Variants in OR7C1 observed in about 807,000 individuals in gnomAD.
The protein encoded by OR7C1 is olfactory receptor family 7 subfamily C member 1, also known as olfactory receptor 7C1.
For missense variants in OR7C1, 324 were observed against 383.3 expected, an observed-to-expected ratio of 0.85 and a Z score of 1.29; for synonymous variants, 152 against 160.7, an observed-to-expected ratio of 0.95 and a Z score of 0.41.
At chr19:14,829,372 T>C (rs558912492) in intron 1 of OR7C1, among the ~76,000 whole-genome samples, 86 of 152,220 alleles carry the variant, frequency 5.6e-4, no homozygotes, top group Non-Finnish European at 1.1e-3. Flanking sequence ...CCCAGCTAAT[T>C]TTGTATTTTT....
rs183641016 is a variant in OR7C1, at chr19:14,802,223, T to C, written c.-434-1459A>G. Among the ~76,000 whole-genome samples the C allele has an allele frequency of 2.0e-3, 307 of 152,300 alleles. 1 individual carries two copies. Among genetic ancestry groups the C allele is most frequent in the African/African-American group, 6.7e-3 (277 of 41,554 alleles). On this transcript the variant is annotated intron_variant, in intron 2 of 4. Coordinates refer to ENST00000641666, the Ensembl canonical transcript of OR7C1. ...CGGAAATGTATGGCAATGTTCTGTT[T>C]TAATATGTCCAATGGGCCGGGCGTG...
chr19:14,799,768 G>T (rs750589870), exon 5 of OR7C1: 1 of 1,613,932 alleles, frequency 6.2e-7, no homozygotes, highest in Non-Finnish European at 8.5e-7. Context: ...AGACGGCCAC[G>T]AAGCGGTCAT....
chr19:14,815,372 A>G (rs545251789), intron 1 of OR7C1, among the ~76,000 whole-genome samples: 2 of 152,362 alleles, frequency 1.3e-5, no homozygotes, highest in Non-Finnish European at 1.5e-5. Flanking sequence ...TGTTTCATAC[A>G]CATGCACCAG....
At chr19:14,818,820 TA>T (rs1207377760) in intron 1 of OR7C1, among the ~76,000 whole-genome samples, 1 of 152,206 alleles carries the variant, frequency 6.6e-6, no homozygotes, top group African/African-American at 2.4e-5. Flanking sequence ...GCATTTTAGA[TA>T]GTTTAGAGAG....
At chr19:14,818,249 C>T (rs1038174410) in intron 1 of OR7C1, among the ~76,000 whole-genome samples, 4 of 152,036 alleles carry the variant, frequency 2.6e-5, no homozygotes, top group East Asian at 1.9e-4. Flanking sequence ...CCCGCCACTA[C>T]GCCCGGCTAA....
chr19:14,798,978 G>A (rs1024669940), exon 5 of OR7C1: 1 of 547,422 alleles, frequency 1.8e-6, no homozygotes. Context: ...ATGATTTTGA[G>A]GGCTGCTTTT....
At chr19:14,816,558 T>A (rs1277054490) in intron 1 of OR7C1, among the ~76,000 whole-genome samples, 2 of 152,176 alleles carry the variant, frequency 1.3e-5, no homozygotes, top group African/African-American at 2.4e-5. Flanking sequence ...CTTACAGCAG[T>A]GGTTTACCAG....
intron 1 of OR7C1, among the ~76,000 whole-genome samples, chr19:14,823,000 G>GT (rs996549419): frequency 6.6e-6 from 1 of 152,082 alleles, no homozygotes; most frequent in African/African-American, 2.4e-5. Context: ...TGTGCAGAAG[G>GT]TTTTTAATTT....
intron 1 of OR7C1, chr19:14,827,893 C>T (rs202108745): frequency 1.1e-5 from 18 of 1,614,070 alleles, no homozygotes; most frequent in Admixed American, 1.0e-4. Context: ...TAGGCCATCA[C>T]GGACAGGAGG....
chr19:14,832,732 T>C (rs1313110402), intron 1 of OR7C1, among the ~76,000 whole-genome samples: 1 of 151,936 alleles, frequency 6.6e-6, no homozygotes, highest in African/African-American at 2.4e-5. Flanking sequence ...GCTACCTTCA[T>C]ATTTTCATAA....
At chr19:14,802,049 G>T (rs2147644915) in intron 2 of OR7C1, among the ~76,000 whole-genome samples, 1 of 152,324 alleles carries the variant, frequency 6.6e-6, no homozygotes, top group South Asian at 2.1e-4. Flanking sequence ...GAGCAACAAA[G>T]TGAATCCTTA....
At chr19:14,813,412 A>G (rs577342500) in intron 1 of OR7C1, among the ~76,000 whole-genome samples, 3 of 151,734 alleles carry the variant, frequency 2.0e-5, no homozygotes, top group East Asian at 3.9e-4. Context: ...AAAATTAGCC[A>G]GGCATGGTGG....
At chr19:14,827,589 TA>T in intron 1 of OR7C1, 1 of 1,614,056 alleles carries the variant, frequency 6.2e-7, no homozygotes. Context: ...TATCTTAGAG[TA>T]AGAGTAAAGG....
chr19:14,803,689 C>T (rs912439893), intron 2 of OR7C1, among the ~76,000 whole-genome samples: 2 of 151,604 alleles, frequency 1.3e-5, no homozygotes. Flanking sequence ...CCCTCCCTAT[C>T]TACCTAAATA....
exon 5 of OR7C1, chr19:14,799,634 A>G (rs200335784): frequency 6.2e-7 from 1 of 1,603,288 alleles, no homozygotes; most frequent in Non-Finnish European, 8.5e-7. Flanking sequence ...TTCGGTGCAG[A>G]AGGACAGCCT....
At chr19:14,802,669 A>G (rs750108849) in intron 2 of OR7C1, among the ~76,000 whole-genome samples, 12 of 152,246 alleles carry the variant, frequency 7.9e-5, no homozygotes, top group Non-Finnish European at 1.8e-4. Flanking sequence ...TGTCTGGGGA[A>G]AAGCATATGA....
chr19:14,829,993 G>T (rs1175856889), intron 1 of OR7C1, among the ~76,000 whole-genome samples: 5 of 152,180 alleles, frequency 3.3e-5, no homozygotes, highest in African/African-American at 1.2e-4. Context: ...CTCCCAAGTA[G>T]TTGGGACCAC....
intron 1 of OR7C1, among the ~76,000 whole-genome samples, chr19:14,814,498 A>C (rs571060355): frequency 6.6e-6 from 1 of 152,006 alleles, no homozygotes; most frequent in Non-Finnish European, 1.5e-5. Flanking sequence ...ATCTCGGCTC[A>C]CTGCAACCTC....
At chr19:14,827,665 A>G (rs2044784522) in intron 1 of OR7C1, 1 of 1,614,196 alleles carries the variant, frequency 6.2e-7, no homozygotes, top group Non-Finnish European at 8.5e-7. Flanking sequence ...TGATTAAGAA[A>G]GCTATCAGAA....
Sources: gnomAD v4.1 joint callset for allele counts (sites outside exome capture counted in the v4.1 genomes callset) on GRCh38, gnomAD v4.1.1 for gene constraint, MANE v1.5 for transcripts, NCBI Gene and HGNC (gene_info 2026-07-23, HGNC 2026-07-21) for gene names.